Variants in SLC15A4 observed in about 807,000 individuals in gnomAD.
SLC15A4 encodes solute carrier family 15 member 4.
SLC15A4 carries 26 observed loss-of-function variants against 46.1 expected under a neutral mutation model. That is an observed-to-expected ratio of 0.56 (90% CI 0.41 to 0.78). SLC15A4 has a LOEUF of 0.78. SLC15A4 is among the 30% of genes least tolerant of loss of function. The pLI is 0.00. For synonymous variants in SLC15A4, 370 were observed against 333.4 expected (o/e 1.11, Z -1.20); for missense variants, 751 against 755.7 (o/e 0.99, Z 0.07).
intron 5 of SLC15A4, among the ~76,000 whole-genome samples, chr12:128,807,199 C>T (rs1358721250): frequency 6.6e-6 from 1 of 151,674 alleles, no homozygotes; most frequent in Admixed American, 6.6e-5. Flanking sequence ...CCGTGCCCGG[C>T]CTGCTAGCGC....
At chr12:128,817,687 C>T (rs1178412542) in intron 1 of SLC15A4, among the ~76,000 whole-genome samples, 1 of 152,232 alleles carries the variant, frequency 6.6e-6, no homozygotes, top group African/African-American at 2.4e-5. Flanking sequence ...CATTCATCCT[C>T]ATTTCCTGTG....
intron 1 of SLC15A4, among the ~76,000 whole-genome samples, chr12:128,816,158 T>C (rs532089472): frequency 1.3e-5 from 2 of 152,286 alleles, no homozygotes; most frequent in East Asian, 3.9e-4. Flanking sequence ...ACGCAACATC[T>C]AGGCTTATGG....
intron 5 of SLC15A4, among the ~76,000 whole-genome samples, chr12:128,804,068 G>A (rs376590156): frequency 3.9e-5 from 6 of 152,200 alleles, no homozygotes; most frequent in South Asian, 4.1e-4. Flanking sequence ...AATTAATACC[G>A]TTGGTAGTAT....
At chr12:128,798,809 ACTAT>A in intron 7 of SLC15A4, among the ~76,000 whole-genome samples, 1 of 152,364 alleles carries the variant, frequency 6.6e-6, no homozygotes, top group Non-Finnish European at 1.5e-5. Context: ...AAAGTAACTT[ACTAT>A]CTATCTTGTC....
chr12:128,804,431 A>G (rs1351517644), intron 5 of SLC15A4, among the ~76,000 whole-genome samples: 4 of 152,244 alleles, frequency 2.6e-5, no homozygotes, highest in Non-Finnish European at 5.9e-5. Context: ...ATAGAATAGA[A>G]TAAGTAAAAG....
chr12:128,803,448 G>A (rs1478919957), intron 5 of SLC15A4, among the ~76,000 whole-genome samples: 2 of 150,338 alleles, frequency 1.3e-5, no homozygotes, highest in East Asian at 3.9e-4. Context: ...TAAGCTGGGG[G>A]GAGAAATAAC....
rs1322905778 is a variant in SLC15A4 at position 128,823,492 on chromosome 12, C to A, written c.452G>T (p.Arg151Leu). 1 of 1,484,198 alleles carries A rather than the reference C, an allele frequency of 6.7e-7. No individual in the cohort carries two copies. Among genetic ancestry groups the A allele is most frequent in the Non-Finnish European group, 8.9e-7 (1 of 1,124,270 alleles). The allele number at this position is 1,484,198 out of a possible 1,614,324, so 91.9% of individuals were successfully genotyped here. A position where few individuals can be genotyped will look rare whatever the true frequency, so the allele number is the denominator to read the frequency against. The change falls in exon 1 of 8, where the codon CGC (arginine) becomes CTC (leucine). Residue 151 changes from arginine (R) to leucine (L), a missense_variant. By Grantham distance (102) the Arg-to-Leu change is moderately radical. Transcript: ENST00000266771. ...CGCGAAGGTGGCCGGTGAGCAGCAGCGGGCGGCGGCGTCGGGACCAGGCGC... is the reference window on the plus strand; with the variant it reads ...CGCGAAGGTGGCCGGTGAGCAGCAGAGGGCGGCGGCGTCGGGACCAGGCGC... ...CTAPGPDAAA[R>L]CCSPATFAGL... is the part of the protein sequence containing the mutation.
chr12:128,816,455 T>G (rs1955752629), intron 1 of SLC15A4, among the ~76,000 whole-genome samples: 1 of 152,178 alleles, frequency 6.6e-6, no homozygotes, highest in Non-Finnish European at 1.5e-5. Flanking sequence ...AGTTAGAAAA[T>G]TCTTATTCTA....
rs527848637 is a variant in SLC15A4, at chr12:128,816,985, G to T, written c.547-1915C>A. On this transcript the variant is annotated intron_variant, in intron 1 of 7. Transcript: ENST00000266771. ...CCTCTCTAAAGGAAATAGAGCAAAAGAAAAAAAATTGTGTGCTCCTCAAAA... is the reference window on the plus strand; with the variant it reads ...CCTCTCTAAAGGAAATAGAGCAAAATAAAAAAAATTGTGTGCTCCTCAAAA... 5.3e-5 allele frequency among the ~76,000 whole-genome samples: 8 copies of T among 152,064 alleles called. No homozygotes were observed. In the South Asian group the frequency reaches 1.7e-3, roughly 32 times the overall value.
Position 128,823,853 on chromosome 12 carries a change from C to T in SLC15A4, c.91G>A (p.Ala31Thr). The T allele has an allele frequency of 4.8e-6, 6 of 1,261,494 alleles. No homozygotes were observed. The highest frequency in any genetic ancestry group is 6.1e-6 in the Non-Finnish European group (6 of 987,986). The allele number at this position is 1,261,494 out of a possible 1,614,324, so 78.1% of individuals were successfully genotyped here. The change falls in exon 1 of 8, where the codon GCG becomes ACG. Residue 31 changes from alanine (A) to threonine (T), a missense_variant. Ala to Thr is a moderately conservative substitution (Grantham distance 58). Coordinates refer to ENST00000266771, the MANE Select transcript of SLC15A4 (RefSeq NM_145648.4). ...GCCCCGCACGCCGCGCGCCGGCCCG[C>T]GAACGCCCCAGCCGCCGCCGCGGCC... Reference protein sequence around the residue: ...AAAAAAAGAFAGRRAACGAVL... With the variant: ...AAAAAAAGAFTGRRAACGAVL...
At position 128,793,985 on chromosome 12, in the gene SLC15A4, C is replaced by T. The variant is rs1219922856; in HGVS notation, c.*211G>A. 5 of 414,602 alleles carry T rather than the reference C, an allele frequency of 1.2e-5. No individual in the cohort carries two copies. The highest frequency in any genetic ancestry group is 8.3e-5 in the Admixed American group (2 of 24,108). 25.7% of individuals were successfully genotyped at this position (414,602 alleles called of 1,614,324 possible). The stretch of plus-strand genomic sequence containing the variant: ...CATACTCGAAATCTGCAGCTCTCCT[C>T]CCGGAGGGCCCAGCGTGCCAGGAGA... On this transcript the variant is annotated 3_prime_UTR_variant, in exon 8 of 8. Transcript: ENST00000266771.
At chr12:128,800,384 G>A (rs960267350) in intron 6 of SLC15A4, among the ~76,000 whole-genome samples, 5 of 152,050 alleles carry the variant, frequency 3.3e-5, no homozygotes, top group South Asian at 2.1e-4. Flanking sequence ...CTCAGCAGCC[G>A]GACAGATCTG....
intron 6 of SLC15A4, among the ~76,000 whole-genome samples, chr12:128,800,044 T>C (rs999371193): frequency 2.6e-5 from 4 of 152,126 alleles, no homozygotes; most frequent in Non-Finnish European, 4.4e-5. Context: ...GGATTCACCA[T>C]GTTGGCCAGG....
Position 128,796,458 on chromosome 12 carries a change from A to AAAC in SLC15A4, c.1574-2103_1574-2102insGTT, listed in dbSNP as rs1176888407. ...AAAAAAAAAAAAAAAAAAAAAAAAAACCCACACATCTGTATGGTGAGATCT... is the reference window on the plus strand; with the variant it reads ...AAAAAAAAAAAAAAAAAAAAAAAAAAAACCCCACACATCTGTATGGTGAGATCT... On this transcript the variant is annotated intron_variant, in intron 7 of 7. Transcript: ENST00000266771. Among the ~76,000 whole-genome samples the AAAC allele has an allele frequency of 3.5e-4, 12 of 34,664 alleles. No individual in the cohort carries two copies. In the South Asian group the frequency reaches 4.4e-3, roughly 13 times the overall value. 22.7% of individuals were successfully genotyped at this position (34,664 alleles called of 152,430 possible). A position where few individuals can be genotyped will look rare whatever the true frequency, so the allele number is the denominator to read the frequency against.
At chr12:128,812,019 G>A (rs1352358797) in intron 2 of SLC15A4, among the ~76,000 whole-genome samples, 1 of 152,194 alleles carries the variant, frequency 6.6e-6, no homozygotes, top group Non-Finnish European at 1.5e-5. Context: ...GCCTGTGCCT[G>A]AGTCTCTGTG....
chr12:128,798,253 C>A (rs1204506711), intron 7 of SLC15A4, among the ~76,000 whole-genome samples: 1 of 152,216 alleles, frequency 6.6e-6, no homozygotes, highest in African/African-American at 2.4e-5. Context: ...GGATCTTATT[C>A]CTCGGGCTGT....
intron 1 of SLC15A4, among the ~76,000 whole-genome samples, chr12:128,818,201 TG>T (rs1035817332): frequency 4.0e-5 from 6 of 151,136 alleles, no homozygotes; most frequent in African/African-American, 1.5e-4. Context: ...GGTGAAACAC[TG>T]GGGGAAGATA....
intron 5 of SLC15A4, among the ~76,000 whole-genome samples, chr12:128,807,084 G>C (rs1593009026): frequency 6.6e-6 from 1 of 152,094 alleles, no homozygotes; most frequent in East Asian, 1.9e-4. Context: ...TGTATTTTTA[G>C]TAAAGACAGG....
At chr12:128,807,673 C>T (rs936433068) in intron 5 of SLC15A4, among the ~76,000 whole-genome samples, 8 of 152,232 alleles carry the variant, frequency 5.3e-5, no homozygotes, top group Non-Finnish European at 7.3e-5. Flanking sequence ...TAGAGCCCTG[C>T]GGTGATTCAG....
Sources: allele counts gnomAD v4.1 joint callset (sites outside exome capture counted in the v4.1 genomes callset), GRCh38; gene constraint gnomAD v4.1.1; transcripts MANE v1.5; gene names NCBI Gene and HGNC (gene_info 2026-07-23, HGNC 2026-07-21).